The following PRR15L variants were observed in gnomAD, a reference collection of about 807,000 sequenced individuals.
PRR15L encodes proline rich 15 like.
PRR15L carries 1 observed loss-of-function variant against 3.7 expected under a neutral mutation model. The observed-to-expected ratio is 0.27, with a 90% CI of 0.09 to 1.27. PRR15L has a LOEUF of 1.27. Ranked by LOEUF, PRR15L falls within the 50% of genes most tolerant of loss-of-function variation. The pLI, the probability that PRR15L is intolerant of heterozygous loss-of-function variation, is 0.47. For missense variants in PRR15L, 127 were observed against 128.7 expected (o/e 0.99, Z 0.06); for synonymous variants, 57 against 51.9 (o/e 1.10, Z -0.42).
chr17:47,952,665 C>G lies in PRR15L; in HGVS notation c.*258G>C. 1 of 386,126 alleles carries G rather than the reference C, an allele frequency of 2.6e-6. No individual in the cohort carries two copies. Among genetic ancestry groups the G allele is most frequent in the Non-Finnish European group, 4.7e-6 (1 of 213,408 alleles). 23.9% of individuals were successfully genotyped at this position (386,126 alleles called of 1,614,324 possible). On this transcript the variant is annotated 3_prime_UTR_variant, in exon 2 of 2. Transcript: ENST00000300557. ...CATTGCTTCAAGGAGGGCTGTTCCTCCTGGGTGAGACTTTTCACTCTTGAA... is the reference window on the plus strand; with the variant it reads ...CATTGCTTCAAGGAGGGCTGTTCCTGCTGGGTGAGACTTTTCACTCTTGAA...
chr17:47,954,462 G>A (rs920627556), intron 1 of PRR15L, among the ~76,000 whole-genome samples: 2 of 152,242 alleles, frequency 1.3e-5, no homozygotes, highest in African/African-American at 2.4e-5. Flanking sequence ...GATCCCAGAA[G>A]TACAGGGGAG....
At chr17:47,957,061 C>A (rs1047576839) in intron 1 of PRR15L, among the ~76,000 whole-genome samples, 36 of 152,378 alleles carry the variant, frequency 2.4e-4, no homozygotes, top group African/African-American at 8.7e-4. Context: ...CATGGGACAG[C>A]CTGCCACCCC....
intron 1 of PRR15L, among the ~76,000 whole-genome samples, chr17:47,955,381 T>C (rs1428979317): frequency 6.6e-6 from 1 of 152,104 alleles, no homozygotes; most frequent in African/African-American, 2.4e-5. Context: ...GCCTAGACTT[T>C]ACGATGAGCT....
At chr17:47,955,293 G>A (rs2036116301) in intron 1 of PRR15L, among the ~76,000 whole-genome samples, 1 of 152,082 alleles carries the variant, frequency 6.6e-6, no homozygotes, top group Admixed American at 6.6e-5. Flanking sequence ...CTGATTTCTG[G>A]AATTTCCATG....
intron 1 of PRR15L, among the ~76,000 whole-genome samples, chr17:47,956,098 C>A (rs1355433325): frequency 6.6e-6 from 1 of 152,230 alleles, no homozygotes; most frequent in Non-Finnish European, 1.5e-5. Flanking sequence ...TTGTGCCCTG[C>A]CCTGGGGCCT....
At chr17:47,956,083 A>C (rs2036125798) in intron 1 of PRR15L, among the ~76,000 whole-genome samples, 1 of 152,278 alleles carries the variant, frequency 6.6e-6, no homozygotes, top group Non-Finnish European at 1.5e-5. Flanking sequence ...AGATGGGAAC[A>C]GCCCTTGTGC....
Position 47,953,031 on chromosome 17 carries a change from G to A in PRR15L, c.204C>T (p.Val68=). ...TGAAGCGTCCTGAGTTGGAGACCTT[G>A]ACGTGCTTGCCCTTTGTGCTCTTGT... ...IVDKSTKGKH[V]KVSNSGRFKE... Residue 68 remains valine (V), a synonymous_variant, in exon 2 of 2, where the codon GTC becomes GTT. Coordinates refer to ENST00000300557, the MANE Select transcript of PRR15L (RefSeq NM_024320.4). 6.2e-7 allele frequency: 1 copy of A among 1,614,154 alleles called. No individual in the cohort carries two copies. Among genetic ancestry groups the A allele is most frequent in the Non-Finnish European group, 8.5e-7 (1 of 1,180,032 alleles).
intron 1 of PRR15L, among the ~76,000 whole-genome samples, chr17:47,955,038 T>A (rs959558459): frequency 1.3e-5 from 2 of 151,468 alleles, no homozygotes; most frequent in Admixed American, 1.3e-4. Context: ...CAAGCGATTC[T>A]CCTGCTTCAG....
rs2036145989 is a variant in PRR15L, at chr17:47,957,819, T to TCAGGTGCAAGAGAAA, written c.-207_-193dup. 1 of 152,134 alleles carries TCAGGTGCAAGAGAAA rather than the reference T, an allele frequency of 6.6e-6. No homozygotes were observed. The highest frequency in any genetic ancestry group is 1.5e-5 in the Non-Finnish European group (1 of 68,062). 9.4% of individuals were successfully genotyped at this position (152,134 alleles called of 1,614,324 possible). On this transcript the variant is annotated 5_prime_UTR_variant, in exon 1 of 2. Coordinates refer to ENST00000300557, the MANE Select transcript of PRR15L (RefSeq NM_024320.4). The stretch of plus-strand genomic sequence containing the variant: ...AGAGGTGGGTAGGAGCAGCTGCACG[T>TCAGGTGCAAGAGAAA]CAGGTGCAAGAGAAACAGGTGCAAG...
In PRR15L at chr17:47,953,231, T is replaced by C. The variant is rs2036090999; in HGVS notation, c.4A>G (p.Thr2Ala). 1.9e-6 allele frequency: 3 copies of C among 1,569,322 alleles called. No individual in the cohort carries two copies. Among genetic ancestry groups the C allele is most frequent in the Admixed American group, 1.8e-5 (1 of 56,398 alleles). Residue 2 changes from threonine (T) to alanine (A), a missense_variant, in exon 2 of 2, where the codon ACG (threonine) becomes GCG (alanine). Physicochemically the swap from Thr to Ala is moderately conservative, Grantham distance 58. Transcript: ENST00000300557. M[T>A]TEIGWWKLTF... Reference sequence around the variant, plus strand: ...AGCTTCCACCAACCAATTTCAGTCGTCATGGCGCTCCCTAAGCCAAGGATG... The same window carrying C: ...AGCTTCCACCAACCAATTTCAGTCGCCATGGCGCTCCCTAAGCCAAGGATG...
chr17:47,952,908 A>C lies in PRR15L; in HGVS notation c.*15T>G. 6.2e-7 allele frequency: 1 copy of C among 1,604,040 alleles called. No individual in the cohort carries two copies. The highest frequency in any genetic ancestry group is 1.1e-5 in the South Asian group (1 of 89,968). Reference sequence around the variant, plus strand: ...TGGCAGGGAGCCAAGAGGTGCTAGCACCCTCCTCAGCCCTTCACTTTGATG... The same window carrying C: ...TGGCAGGGAGCCAAGAGGTGCTAGCCCCCTCCTCAGCCCTTCACTTTGATG... On this transcript the variant is annotated 3_prime_UTR_variant, in exon 2 of 2. Transcript: ENST00000300557.
chr17:47,954,075 C>T (rs1454067796), intron 1 of PRR15L, among the ~76,000 whole-genome samples: 1 of 152,208 alleles, frequency 6.6e-6, no homozygotes, highest in Non-Finnish European at 1.5e-5. Flanking sequence ...GAATTCATTA[C>T]AAAATTAAAT....
chr17:47,955,406 A>G (rs2036117612), intron 1 of PRR15L, among the ~76,000 whole-genome samples: 1 of 152,140 alleles, frequency 6.6e-6, no homozygotes, highest in South Asian at 2.1e-4. Flanking sequence ...GCCTGCATCC[A>G]TACCCCTCGT....
chr17:47,956,689 G>A lies in PRR15L; in HGVS notation c.-30+968C>T, dbSNP rs564684335. 1.6e-4 allele frequency among the ~76,000 whole-genome samples: 25 copies of A among 152,342 alleles called. No homozygotes were observed. The South Asian group carries it at 5.0e-3, about 30-fold the overall frequency. On this transcript the variant is annotated intron_variant, in intron 1 of 1. Coordinates refer to ENST00000300557, the MANE Select transcript of PRR15L (RefSeq NM_024320.4). The stretch of plus-strand genomic sequence containing the variant: ...GGATCTGTAAATAGTCATCATAAAA[G>A]ATAGTGTAAAATCTGATTTGCTTTA...
rs1358684605 is a variant in PRR15L at position 47,953,212 on chromosome 17, C to T, written c.23G>A (p.Trp8Ter). Residue 8 changes from tryptophan to a stop codon, truncating the protein, a stop_gained, in exon 2 of 2, where the codon TGG (tryptophan) becomes TAG (stop). Coordinates refer to ENST00000300557, the MANE Select transcript of PRR15L (RefSeq NM_024320.4). LOFTEE classifies it high-confidence loss of function. MTTEIGW[W>*]KLTFLRKKKS... Reference sequence around the variant, plus strand: ...CTTTTTCCGGAGGAAAGTCAGCTTCCACCAACCAATTTCAGTCGTCATGGC... The same window carrying T: ...CTTTTTCCGGAGGAAAGTCAGCTTCTACCAACCAATTTCAGTCGTCATGGC... The T allele has an allele frequency of 6.3e-7, 1 of 1,588,994 alleles. No homozygotes were observed. The highest frequency in any genetic ancestry group is 1.4e-5 in the African/African-American group (1 of 74,032).
In PRR15L at chr17:47,957,659, GTAAT is replaced by G. The variant is rs2036144337; in HGVS notation, c.-36_-33del. ...ACCCACCAGCCCTCTGCCTGTACCT[GTAAT>G]CCCGACTGCTCCAGGCTGGAGGTGA... On this transcript the variant is annotated 5_prime_UTR_variant, in exon 1 of 2. Coordinates refer to ENST00000300557, the MANE Select transcript of PRR15L (RefSeq NM_024320.4). The G allele has an allele frequency of 6.6e-6, 1 of 152,354 alleles. No homozygotes were observed. Among genetic ancestry groups the G allele is most frequent in the Admixed American group, 6.5e-5 (1 of 15,294 alleles). 9.4% of individuals were successfully genotyped at this position (152,354 alleles called of 1,614,324 possible). A position where few individuals can be genotyped will look rare whatever the true frequency, so the allele number is the denominator to read the frequency against.
intron 1 of PRR15L, among the ~76,000 whole-genome samples, chr17:47,955,417 G>A (rs914760127): frequency 6.6e-6 from 1 of 152,130 alleles, no homozygotes; most frequent in Admixed American, 6.6e-5. Flanking sequence ...TACCCCTCGT[G>A]CTCTGGTCTC....
chr17:47,953,238 G>T lies in PRR15L; in HGVS notation c.-4C>A, dbSNP rs374577016. ...ACCAACCAATTTCAGTCGTCATGGCGCTCCCTAAGCCAAGGATGGGGCTTT... is the reference window on the plus strand; with the variant it reads ...ACCAACCAATTTCAGTCGTCATGGCTCTCCCTAAGCCAAGGATGGGGCTTT... On this transcript the variant is annotated 5_prime_UTR_variant, in exon 2 of 2. Transcript: ENST00000300557. The T allele has an allele frequency of 1.3e-6, 2 of 1,560,778 alleles. No homozygotes were observed. Among genetic ancestry groups the T allele is most frequent in the Non-Finnish European group, 1.7e-6 (2 of 1,153,256 alleles).
intron 1 of PRR15L, among the ~76,000 whole-genome samples, chr17:47,954,418 A>T (rs1283508208): frequency 6.6e-6 from 1 of 152,242 alleles, no homozygotes; most frequent in Non-Finnish European, 1.5e-5. Context: ...CAGGAGTTGG[A>T]AGGGGAGCTA....
Sources: gnomAD v4.1 joint callset for allele counts (sites outside exome capture counted in the v4.1 genomes callset) on GRCh38, gnomAD v4.1.1 for gene constraint, MANE v1.5 for transcripts, NCBI Gene and HGNC (gene_info 2026-07-23, HGNC 2026-07-21) for gene names.